PHLPP1: variants seen among roughly 807,000 people sequenced by gnomAD.
PHLPP1 encodes the protein PH domain leucine-rich repeat-containing protein phosphatase 1.
A neutral mutation model predicts 117.2 loss-of-function variants in PHLPP1; 42 were observed. That is an observed-to-expected ratio of 0.36 (90% CI 0.28 to 0.46). The LOEUF is 0.46. Among genes scored for constraint, PHLPP1 ranks in the 20% least tolerant of loss-of-function variants. PHLPP1 has a pLI of 1.00. For missense variants in PHLPP1, 2,084 were observed against 2,241.9 expected (o/e 0.93, Z 1.42); for synonymous variants, 1,042 against 970.7 (o/e 1.07, Z -1.37).
chr18:62,901,285 C>A (rs1172030364), intron 6 of PHLPP1, among the ~76,000 whole-genome samples: 1 of 151,804 alleles, frequency 6.6e-6, no homozygotes, highest in Non-Finnish European at 1.5e-5. Flanking sequence ...TGTGTTTTTT[C>A]TTTTTTATTC....
At chr18:62,850,384 C>G (rs942267176) in intron 3 of PHLPP1, among the ~76,000 whole-genome samples, 5 of 45,362 alleles carry the variant, frequency 1.1e-4, no homozygotes, top group Admixed American at 9.9e-4. Context: ...AAGACTCCAT[C>G]TCGGGGGGGC....
intron 1 of PHLPP1, among the ~76,000 whole-genome samples, chr18:62,740,744 A>C (rs1045730337): frequency 6.6e-6 from 1 of 152,190 alleles, no homozygotes; most frequent in Non-Finnish European, 1.5e-5. Flanking sequence ...AGACTGAGGC[A>C]GGGGATCACC....
intron 4 of PHLPP1, among the ~76,000 whole-genome samples, chr18:62,885,965 T>A (rs1599102342): frequency 6.6e-6 from 1 of 152,186 alleles, no homozygotes. Flanking sequence ...AATAGCAGTT[T>A]GAAGTTGTGT....
rs773526025 is a variant in PHLPP1, at chr18:62,979,523, C to T, written c.*92C>T. 151 of 1,350,816 alleles carry T rather than the reference C, an allele frequency of 1.1e-4. 1 individual carries two copies. The highest frequency in any genetic ancestry group is 1.5e-4 in the Non-Finnish European group (146 of 995,398). 83.7% of individuals were successfully genotyped at this position (1,350,816 alleles called of 1,614,324 possible). A position where few individuals can be genotyped will look rare whatever the true frequency, so the allele number is the denominator to read the frequency against. ...ACATTAAACCAGGGGTTTTACTCCA[C>T]ATCCTTCCCCCAGACACTGTTCCCA... On this transcript the variant is annotated 3_prime_UTR_variant, in exon 17 of 17. Transcript: ENST00000262719.
chr18:62,778,238 T>C (rs2144275495), intron 1 of PHLPP1, among the ~76,000 whole-genome samples: 1 of 152,282 alleles, frequency 6.6e-6, no homozygotes, highest in East Asian at 1.9e-4. Context: ...GGAGACTTTT[T>C]TTGAGGGAAT....
intron 1 of PHLPP1, among the ~76,000 whole-genome samples, chr18:62,827,678 C>T (rs923112076): frequency 2.6e-5 from 4 of 152,216 alleles, no homozygotes; most frequent in African/African-American, 9.6e-5. Flanking sequence ...TTTCCAAGGA[C>T]AGGCTGATCT....
intron 11 of PHLPP1, among the ~76,000 whole-genome samples, chr18:62,943,472 GC>G (rs1470713532): frequency 6.6e-6 from 1 of 152,132 alleles, no homozygotes; most frequent in Non-Finnish European, 1.5e-5. Context: ...TGTTTTCTGT[GC>G]TTTTAATCAT....
At position 62,775,389 on chromosome 18, in the gene PHLPP1, G is replaced by A. The variant is rs142896380; in HGVS notation, c.1577-54646G>A. 6.5e-3 allele frequency among the ~76,000 whole-genome samples: 989 copies of A among 152,252 alleles called. 29 individuals are homozygous for A. Among genetic ancestry groups the A allele is most frequent in the Non-Finnish European group, 4.6e-3 (315 of 68,018 alleles). On this transcript the variant is annotated intron_variant, in intron 1 of 16. Transcript: ENST00000262719. ...TGCTGGGATTCAGGCGTGAGCCACCGCGCCCAGCCCACTAATAAGACATTC... is the reference window on the plus strand; with the variant it reads ...TGCTGGGATTCAGGCGTGAGCCACCACGCCCAGCCCACTAATAAGACATTC...
chr18:62,894,326 G>A (rs1023478678), intron 4 of PHLPP1, among the ~76,000 whole-genome samples: 5 of 152,148 alleles, frequency 3.3e-5, no homozygotes, highest in African/African-American at 1.2e-4. Context: ...CTCCTGAGTA[G>A]CTGGGATTAC....
At chr18:62,751,590 G>A (rs891669891) in intron 1 of PHLPP1, among the ~76,000 whole-genome samples, 1 of 152,182 alleles carries the variant, frequency 6.6e-6, no homozygotes, top group Non-Finnish European at 1.5e-5. Context: ...GGCCCTTTGT[G>A]TCGCTCCTGA....
chr18:62,879,063 A>G (rs966132591), intron 4 of PHLPP1, among the ~76,000 whole-genome samples: 1 of 152,196 alleles, frequency 6.6e-6, no homozygotes, highest in African/African-American at 2.4e-5. Flanking sequence ...TGAAATGCCT[A>G]CATCAGAATC....
chr18:62,792,868 C>CAAAAAAAA (rs71160870), intron 1 of PHLPP1, among the ~76,000 whole-genome samples: 2 of 56,852 alleles, frequency 3.5e-5, no homozygotes, highest in African/African-American at 1.5e-4. Flanking sequence ...GCCTCTGTCT[C>CAAAAAAAA]AAAAAAAAAA....
At chr18:62,968,783 C>T (rs1006776832) in intron 14 of PHLPP1, among the ~76,000 whole-genome samples, 2 of 152,078 alleles carry the variant, frequency 1.3e-5, no homozygotes, top group African/African-American at 2.4e-5. Flanking sequence ...GTCCACCCGC[C>T]TCAGCCTCCC....
chr18:62,916,001 G>C (rs950991083), intron 9 of PHLPP1, among the ~76,000 whole-genome samples: 2 of 152,108 alleles, frequency 1.3e-5, no homozygotes, highest in Non-Finnish European at 2.9e-5. Flanking sequence ...TATTATAGAA[G>C]TATGTCACCA....
intron 10 of PHLPP1, among the ~76,000 whole-genome samples, chr18:62,928,968 A>G (rs1176831240): frequency 2.0e-5 from 3 of 152,202 alleles, no homozygotes; most frequent in Admixed American, 2.0e-4. Context: ...AAGTAGATCC[A>G]GGGGATGTGA....
chr18:62,777,298 T>C (rs1912988889), intron 1 of PHLPP1, among the ~76,000 whole-genome samples: 1 of 152,186 alleles, frequency 6.6e-6, no homozygotes, highest in Non-Finnish European at 1.5e-5. Context: ...TGATGGTGAA[T>C]GATTTTGAGC....
intron 4 of PHLPP1, among the ~76,000 whole-genome samples, chr18:62,872,133 T>A (rs924772153): frequency 1.3e-5 from 2 of 152,170 alleles, no homozygotes; most frequent in Admixed American, 1.3e-4. Context: ...GATTTTTACA[T>A]GTGCATAGGA....
At position 62,765,781 on chromosome 18, in the gene PHLPP1, G is replaced by A. The variant is rs532592210; in HGVS notation, c.1576+48522G>A. Among the ~76,000 whole-genome samples the A allele has an allele frequency of 5.9e-4, 90 of 152,082 alleles. 1 individual carries two copies. In the South Asian group the frequency reaches 0.017, roughly 29 times the overall value. ...GAAGCCAAGGCGGGTGGATCACGAG[G>A]TCAGGAGATTGAGACCATCCTGGCT... On this transcript the variant is annotated intron_variant, in intron 1 of 16. Coordinates refer to ENST00000262719, the MANE Select transcript of PHLPP1 (RefSeq NM_194449.4).
chr18:62,831,818 A>G (rs1173303508), intron 2 of PHLPP1, among the ~76,000 whole-genome samples: 2 of 152,078 alleles, frequency 1.3e-5, no homozygotes, highest in African/African-American at 2.4e-5. Context: ...TTTCCTCTCT[A>G]TTCTAGTTTC....
Sources: allele counts gnomAD v4.1 joint callset (sites outside exome capture counted in the v4.1 genomes callset), GRCh38; gene constraint gnomAD v4.1.1; transcripts MANE v1.5; gene names NCBI Gene and HGNC (gene_info 2026-07-23, HGNC 2026-07-21).